Variants in DPP6 observed in about 807,000 individuals in gnomAD.
DPP6 encodes dipeptidyl peptidase like 6, also known as A-type potassium channel modulatory protein DPP6.
In DPP6, 69 loss-of-function variants were observed where a neutral mutation model predicts 122.6. That is an observed-to-expected ratio of 0.56 (90% CI 0.46 to 0.69). DPP6 has a LOEUF of 0.69. DPP6 is among the 30% of genes least tolerant of loss of function. The pLI, the probability that DPP6 is intolerant of heterozygous loss-of-function variation, is 0.00. For synonymous variants in DPP6, 418 were observed against 433.1 expected (o/e 0.97, Z 0.43); for missense variants, 928 against 1,116.9 (o/e 0.83, Z 2.41).
Position 153,936,469 on chromosome 7 carries a change from C to T in DPP6, c.51+48735C>T, listed in dbSNP as rs528955542. On this transcript the variant is annotated intron_variant, in intron 1 of 25. Coordinates refer to the DPP6 transcript ENST00000404039. ...CATAGATAGACGGTGTTCCCATCTTCCCGCACGTAGACAGAGTCTGGGACT... is the reference window on the plus strand; with the variant it reads ...CATAGATAGACGGTGTTCCCATCTTTCCGCACGTAGACAGAGTCTGGGACT... 4.6e-5 allele frequency among the ~76,000 whole-genome samples: 7 copies of T among 152,186 alleles called. No individual in the cohort carries two copies. In the East Asian group the frequency reaches 5.8e-4, roughly 13 times the overall value.
intron 1 of DPP6, among the ~76,000 whole-genome samples, chr7:153,962,602 A>C (rs2129028838): frequency 6.6e-6 from 1 of 152,320 alleles, no homozygotes; most frequent in Non-Finnish European, 1.5e-5. Context: ...GAACTTCCTA[A>C]CAAACGTTTC....
Position 154,866,910 on chromosome 7 carries a change from G to A in DPP6, c.1715-1085G>A, listed in dbSNP as rs899668394. On this transcript the variant is annotated intron_variant, in intron 17 of 25. Coordinates refer to ENST00000377770, the MANE Select transcript of DPP6 (RefSeq NM_130797.4). ...CCATGTTCTCCACACAAAGCCACAC[G>A]TCCAGATTCTCCTAGTTATGGGCGG... Among the ~76,000 whole-genome samples the A allele has an allele frequency of 6.6e-5, 10 of 151,470 alleles. No homozygotes were observed. In the East Asian group the frequency reaches 1.4e-3, roughly 21 times the overall value.
intron 1 of DPP6, among the ~76,000 whole-genome samples, chr7:153,911,813 C>T (rs945918836): frequency 7.2e-5 from 11 of 152,132 alleles, no homozygotes; most frequent in Admixed American, 5.9e-4. Flanking sequence ...GTTTTGTCAC[C>T]TATTTTTAAA....
At chr7:154,441,928 C>T (rs371706681) in intron 1 of DPP6, among the ~76,000 whole-genome samples, 19 of 152,196 alleles carry the variant, frequency 1.2e-4, no homozygotes, top group Non-Finnish European at 5.9e-5. Flanking sequence ...GGTTTTAGTT[C>T]GTTGTTTGTT....
intron 1 of DPP6, among the ~76,000 whole-genome samples, chr7:154,073,089 C>T (rs1803243429): frequency 1.3e-5 from 2 of 152,342 alleles, no homozygotes; most frequent in East Asian, 3.9e-4. Context: ...CCTGGAGTAG[C>T]TGCACCTCAG....
chr7:154,396,838 A>G (rs1452973112), intron 1 of DPP6, among the ~76,000 whole-genome samples: 3 of 152,188 alleles, frequency 2.0e-5, no homozygotes. Context: ...CCAGCTACTC[A>G]GGAGGCCAAG....
intron 1 of DPP6, among the ~76,000 whole-genome samples, chr7:154,266,987 A>G (rs1803464077): frequency 6.6e-6 from 1 of 152,170 alleles, no homozygotes; most frequent in Admixed American, 6.5e-5. Context: ...CAATTAAAAC[A>G]TCCTCCTTTT....
chr7:153,918,106 A>G (rs942321834), intron 1 of DPP6, among the ~76,000 whole-genome samples: 1 of 152,180 alleles, frequency 6.6e-6, no homozygotes, highest in Non-Finnish European at 1.5e-5. Flanking sequence ...TACTTTAACT[A>G]CCACATGGCA....
At chr7:154,655,036 G>A (rs1837148276) in intron 6 of DPP6, among the ~76,000 whole-genome samples, 1 of 152,138 alleles carries the variant, frequency 6.6e-6, no homozygotes, top group Non-Finnish European at 1.5e-5. Flanking sequence ...CATCTACCAT[G>A]TGTCAGGTTC....
At chr7:154,749,100 A>G (rs1005902462) in intron 8 of DPP6, among the ~76,000 whole-genome samples, 1 of 148,604 alleles carries the variant, frequency 6.7e-6, no homozygotes, top group South Asian at 2.1e-4. Flanking sequence ...CTTTACTGAG[A>G]GAGGGTGAGA....
At chr7:153,781,776 A>G in the DPP6 span, among the ~76,000 whole-genome samples, 1 of 152,056 alleles carries the variant, frequency 6.6e-6, no homozygotes, top group African/African-American at 2.4e-5. Flanking sequence ...ATCACAGTGT[A>G]TCATTCCTTT....
chr7:154,777,620 TGTTGA>T (rs1489362654), intron 10 of DPP6, among the ~76,000 whole-genome samples: 8 of 152,154 alleles, frequency 5.3e-5, no homozygotes, highest in South Asian at 2.1e-4. Context: ...TTGAGCTGCG[TGTTGA>T]GTTAAGATGC....
chr7:154,107,605 GATAT>G (rs1391042398), intron 1 of DPP6, among the ~76,000 whole-genome samples: 1 of 152,182 alleles, frequency 6.6e-6, no homozygotes, highest in African/African-American at 2.4e-5. Context: ...TCTGTGAGGT[GATAT>G]ATATGTTAAC....
At chr7:154,410,428 A>C (rs1816499885) in intron 1 of DPP6, among the ~76,000 whole-genome samples, 1 of 152,252 alleles carries the variant, frequency 6.6e-6, no homozygotes, top group Non-Finnish European at 1.5e-5. Context: ...GTATTTCATC[A>C]GGTATAAATG....
At chr7:153,997,593 GCACACACACA>G (rs3980023) in intron 1 of DPP6, among the ~76,000 whole-genome samples, 1 of 145,982 alleles carries the variant, frequency 6.9e-6, no homozygotes, top group Non-Finnish European at 1.5e-5. Context: ...TGAGTGCACA[GCACACACACA>G]CACACACACA....
At chr7:154,200,573 T>G (rs949194534) in intron 1 of DPP6, among the ~76,000 whole-genome samples, 4 of 152,138 alleles carry the variant, frequency 2.6e-5, no homozygotes, top group African/African-American at 9.7e-5. Flanking sequence ...CTCAGGCCAT[T>G]CTTAGGCATT....
intron 5 of DPP6, among the ~76,000 whole-genome samples, chr7:154,580,562 C>T (rs1831995548): frequency 6.6e-6 from 1 of 152,140 alleles, no homozygotes. Flanking sequence ...GTCAGTCTGC[C>T]CCCGTGAGTC....
chr7:154,063,450 C>T (rs1318267293), intron 1 of DPP6, among the ~76,000 whole-genome samples: 1 of 126,864 alleles, frequency 7.9e-6, no homozygotes, highest in Non-Finnish European at 1.7e-5. Flanking sequence ...GGGGGGGAGG[C>T]ACCTCCCGCG....
At chr7:154,105,852 C>T (rs1806122239) in intron 1 of DPP6, among the ~76,000 whole-genome samples, 1 of 151,702 alleles carries the variant, frequency 6.6e-6, no homozygotes, top group African/African-American at 2.4e-5. Context: ...ATAAATTACC[C>T]AGTCTTGGGT....
Sources: allele counts gnomAD v4.1 joint callset (sites outside exome capture counted in the v4.1 genomes callset), GRCh38; gene constraint gnomAD v4.1.1; transcripts MANE v1.5; gene names NCBI Gene and HGNC (gene_info 2026-07-23, HGNC 2026-07-21).